WDR59: variants seen among roughly 807,000 people sequenced by gnomAD.
WDR59 encodes the protein WD repeat domain 59.
Under a neutral mutation model 131.2 loss-of-function variants are expected in WDR59, and 100 were observed. That is an observed-to-expected ratio of 0.76 (90% CI 0.65 to 0.90). The LOEUF (loss-of-function observed/expected upper bound fraction) is 0.90. Ranked by LOEUF, WDR59 falls within the 40% of genes least tolerant of loss-of-function variation. WDR59 has a pLI of 0.00. For synonymous variants in WDR59, 601 were observed against 466.2 expected (o/e 1.29, Z -3.72); for missense variants, 1,203 against 1,262.2 (o/e 0.95, Z 0.71).
chr16:74,974,461 T>C (rs113929191), intron 1 of WDR59, among the ~76,000 whole-genome samples: 2 of 152,298 alleles, frequency 1.3e-5, no homozygotes, highest in African/African-American at 4.8e-5. Context: ...ACTGATATTG[T>C]CATTTAATCC....
At position 74,938,219 on chromosome 16, in the gene WDR59, G is replaced by A; in HGVS notation, c.582C>T (p.Ile194=). 2.6e-6 allele frequency: 4 copies of A among 1,566,986 alleles called. No individual in the cohort carries two copies. Among genetic ancestry groups the A allele is most frequent in the Non-Finnish European group, 3.5e-6 (4 of 1,155,588 alleles). ...TGTCTGGGTGCCAGTCCAGGCCATGGATTTTGGAGAGGTGGGCGGCTAGAT... is the reference window on the plus strand; with the variant it reads ...TGTCTGGGTGCCAGTCCAGGCCATGAATTTTGGAGAGGTGGGCGGCTAGAT... The part of the protein sequence containing the change: ...VEYLAAHLSK[I]HGLDWHPDSE... The change falls in exon 8 of 26, where the codon ATC becomes ATT. Residue 194 remains isoleucine, a synonymous_variant. Coordinates refer to ENST00000262144, the MANE Select transcript of WDR59 (RefSeq NM_030581.4).
intron 5 of WDR59, 30 bp from the exon 6 acceptor site, chr16:74,948,586 C>T: frequency 6.3e-7 from 1 of 1,580,618 alleles, no homozygotes; most frequent in Non-Finnish European, 8.7e-7. Context: ...AATCAAATCC[C>T]CAATTTATAT....
intron 1 of WDR59, among the ~76,000 whole-genome samples, chr16:74,971,436 T>C (rs1462116919): frequency 1.1e-4 from 15 of 134,732 alleles, no homozygotes; most frequent in Non-Finnish European, 2.0e-4. Flanking sequence ...CTTTTTTTTT[T>C]TTTTTTTTTT....
chr16:74,874,407 G>A lies in WDR59; in HGVS notation c.2727C>T (p.Val909=). The part of the protein sequence containing the change: ...GVYCSHCRSE[V]RGTQCAICKG... ...TGCAGATGGCACACTGCGTGCCACG[G>A]ACCTCACTCCGGCAGTGGCTGCAGT... Residue 909 remains valine, a synonymous_variant, in exon 26 of 26, where the codon GTC becomes GTT. Coordinates refer to ENST00000262144, the MANE Select transcript of WDR59 (RefSeq NM_030581.4). 6.2e-7 allele frequency: 1 copy of A among 1,614,092 alleles called. No homozygotes were observed. Among genetic ancestry groups the A allele is most frequent in the Non-Finnish European group, 8.5e-7 (1 of 1,180,034 alleles).
At chr16:74,974,977 A>G (rs2034128169) in intron 1 of WDR59, among the ~76,000 whole-genome samples, 1 of 152,184 alleles carries the variant, frequency 6.6e-6, no homozygotes. Flanking sequence ...GACTGCAAAT[A>G]TGACTGTGAA....
chr16:74,937,954 C>A (rs530442108), intron 8 of WDR59, among the ~76,000 whole-genome samples, 196 bp downstream of exon 8: 18 of 152,348 alleles, frequency 1.2e-4, no homozygotes, highest in African/African-American at 3.8e-4. Context: ...TGCTGAACAG[C>A]ACCATGCTGG....
In WDR59 at chr16:74,893,747, A is replaced by G. The variant is rs368985938; in HGVS notation, c.1932T>C (p.Ala644=). The G allele has an allele frequency of 1.4e-5, 22 of 1,614,208 alleles. No individual in the cohort carries two copies. In the African/African-American group the frequency reaches 2.8e-4, roughly 21 times the overall value. The change falls in exon 19 of 26, where the codon GCT becomes GCC. Residue 644 remains alanine (A), a synonymous_variant. Transcript: ENST00000262144. The part of the protein sequence containing the change: ...SDSGNRQIKA[A]GKVIIQDIAC... ...CAATATCCTGGATGATGACTTTCCCAGCAGCCTTGATCTGTCGATTGCCAG... is the reference window on the plus strand; with the variant it reads ...CAATATCCTGGATGATGACTTTCCCGGCAGCCTTGATCTGTCGATTGCCAG...
chr16:74,934,308 T>C (rs1011136815), intron 8 of WDR59, among the ~76,000 whole-genome samples: 6 of 148,498 alleles, frequency 4.0e-5, no homozygotes, highest in Admixed American at 2.7e-4. Flanking sequence ...AGATTAATCC[T>C]TTTTTTTTAA....
chr16:74,925,786 T>C (rs1379580896), intron 8 of WDR59, among the ~76,000 whole-genome samples: 1 of 151,836 alleles, frequency 6.6e-6, no homozygotes, highest in Admixed American at 6.6e-5. Flanking sequence ...CTCAGTGCTT[T>C]GGGAGGCTAA....
At chr16:74,965,325 G>A (rs1268878413) in intron 2 of WDR59, among the ~76,000 whole-genome samples, 1 of 152,128 alleles carries the variant, frequency 6.6e-6, no homozygotes, top group Non-Finnish European at 1.5e-5. Context: ...GTTCCTTCAT[G>A]ATGAAATCAA....
Position 74,872,258 on chromosome 16 carries a change from C to G in WDR59, c.*1951G>C, listed in dbSNP as rs1416142815. 1 of 152,182 alleles carries G rather than the reference C, an allele frequency of 6.6e-6. No individual in the cohort carries two copies. The highest frequency in any genetic ancestry group is 1.5e-5 in the Non-Finnish European group (1 of 68,040). The allele number at this position is 152,182 out of a possible 1,614,324, so 9.4% of individuals were successfully genotyped here. The stretch of plus-strand genomic sequence containing the variant: ...GTTTGAAACACATGAATATGCAATG[C>G]TCTCCCATTATGAGACATGTCCTAG... On this transcript the variant is annotated 3_prime_UTR_variant, in exon 26 of 26. Coordinates refer to ENST00000262144, the MANE Select transcript of WDR59 (RefSeq NM_030581.4).
intron 18 of WDR59, chr16:74,899,853 G>C: frequency 2.3e-6 from 2 of 887,596 alleles, no homozygotes. Context: ...CCACACATCC[G>C]ATGGATTCCA....
At chr16:74,935,827 T>C (rs113839381) in intron 8 of WDR59, among the ~76,000 whole-genome samples, 3,838 of 152,026 alleles carry the variant, frequency 0.025, 169 homozygotes, top group African/African-American at 0.087. Context: ...TGAAACCCCA[T>C]CTCTACTAAA....
intron 25 of WDR59, among the ~76,000 whole-genome samples, chr16:74,880,091 G>T (rs751419217): frequency 6.6e-6 from 1 of 152,184 alleles, no homozygotes; most frequent in Non-Finnish European, 1.5e-5. Flanking sequence ...TACATGGATA[G>T]ATCAGATTTA....
At chr16:74,982,717 G>A (rs1567451735) in intron 1 of WDR59, among the ~76,000 whole-genome samples, 1 of 152,198 alleles carries the variant, frequency 6.6e-6, no homozygotes, top group Admixed American at 6.6e-5. Flanking sequence ...AGGGAGAGCA[G>A]GTCTCACGGA....
intron 10 of WDR59, 24 bp downstream of exon 10, chr16:74,921,923 G>A: frequency 6.2e-7 from 1 of 1,609,594 alleles, no homozygotes; most frequent in East Asian, 2.2e-5. Flanking sequence ...GAAGGAAAGT[G>A]GGCAGCAGGC....
intron 2 of WDR59, among the ~76,000 whole-genome samples, chr16:74,957,281 A>G (rs919811556): frequency 6.6e-6 from 1 of 151,840 alleles, no homozygotes. Context: ...GAGTTTCACC[A>G]TGTTGGCCAG....
intron 1 of WDR59, among the ~76,000 whole-genome samples, chr16:74,971,414 C>T (rs1262450175): frequency 1.4e-5 from 2 of 146,226 alleles, no homozygotes; most frequent in East Asian, 2.0e-4. Flanking sequence ...GTTTTCCTTC[C>T]TTCTTTCCTT....
Position 74,929,199 on chromosome 16 carries a change from C to T in WDR59, c.652-5196G>A, listed in dbSNP as rs183465322. Among the ~76,000 whole-genome samples, 314 of 152,268 alleles carry T rather than the reference C, an allele frequency of 2.1e-3. 1 individual carries two copies. The highest frequency in any genetic ancestry group is 6.9e-3 in the African/African-American group (285 of 41,552). On this transcript the variant is annotated intron_variant, in intron 8 of 25. Coordinates refer to ENST00000262144, the MANE Select transcript of WDR59 (RefSeq NM_030581.4). Reference sequence around the variant, plus strand: ...ATGCCATTCTCCTGCCTCAGCCTTCCGAATAGCTGGGACTACAGGCGCCCG... The same window carrying T: ...ATGCCATTCTCCTGCCTCAGCCTTCTGAATAGCTGGGACTACAGGCGCCCG...
Sources: allele counts gnomAD v4.1 joint callset (sites outside exome capture counted in the v4.1 genomes callset), GRCh38; gene constraint gnomAD v4.1.1; transcripts MANE v1.5; gene names NCBI Gene and HGNC (gene_info 2026-07-23, HGNC 2026-07-21).